STAG1: variants seen among roughly 807,000 people sequenced by gnomAD.
STAG1 encodes STAG1 cohesin complex component.
In STAG1, 26 loss-of-function variants were observed where a neutral mutation model predicts 170.9. The ratio of observed to expected loss-of-function variants is 0.15; its 90% CI spans 0.11 to 0.21. STAG1 has a LOEUF of 0.21. Ranked by LOEUF, STAG1 falls within the 10% of genes least tolerant of loss-of-function variation. STAG1 has a pLI of 1.00. For synonymous variants in STAG1, 514 were observed against 497.7 expected (o/e 1.03, Z -0.44); for missense variants, 964 against 1,509.5 (o/e 0.64, Z 5.99).
chr3:136,673,869 G>A (rs976010148), intron 1 of STAG1, among the ~76,000 whole-genome samples: 1 of 151,806 alleles, frequency 6.6e-6, no homozygotes, highest in East Asian at 1.9e-4. Context: ...TTGGGAGGCC[G>A]AGGCAGGTGG....
chr3:136,369,077 T>A lies in STAG1; in HGVS notation c.2545+31A>T, dbSNP rs752906359. ...ATCTTTTGGGGTTGGTAAAAAAAAA[T>A]CAATATTGACAAGATGATAGCTACA... On this transcript the variant is annotated intron_variant, in intron 24 of 33. Coordinates refer to ENST00000383202, the MANE Select transcript of STAG1 (RefSeq NM_005862.3). 45 of 1,435,334 alleles carry A rather than the reference T, an allele frequency of 3.1e-5. No individual in the cohort carries two copies. In the South Asian group the frequency reaches 6.9e-4, roughly 22 times the overall value. The allele number at this position is 1,435,334 out of a possible 1,614,324, so 88.9% of individuals were successfully genotyped here.
chr3:136,570,994 G>A (rs1365304672), intron 4 of STAG1, among the ~76,000 whole-genome samples: 1 of 152,198 alleles, frequency 6.6e-6, no homozygotes, highest in Non-Finnish European at 1.5e-5. Context: ...GTCAGGCTCT[G>A]CAAGCTCAGG....
In STAG1 at chr3:136,749,175, A is replaced by G. The variant is rs963583227; in HGVS notation, c.-84+3020T>C. ...GACAAAATATATGTTTGCATATGTA[A>G]TTAAGGCCCTTAATCAGTTAAGTTT... On this transcript the variant is annotated intron_variant, in intron 1 of 33. Coordinates refer to ENST00000383202, the MANE Select transcript of STAG1 (RefSeq NM_005862.3). Among the ~76,000 whole-genome samples, 44 of 152,324 alleles carry G rather than the reference A, an allele frequency of 2.9e-4. 1 individual carries two copies. Among genetic ancestry groups the G allele is most frequent in the African/African-American group, 1.0e-3 (43 of 41,574 alleles).
At chr3:136,643,543 CTG>C (rs1223539265) in intron 1 of STAG1, among the ~76,000 whole-genome samples, 2 of 152,172 alleles carry the variant, frequency 1.3e-5, no homozygotes, top group African/African-American at 4.8e-5. Context: ...GAGTCTGGCT[CTG>C]TTGTCCAGGC....
At chr3:136,397,886 T>C (rs2087211350) in intron 22 of STAG1, among the ~76,000 whole-genome samples, 1 of 152,236 alleles carries the variant, frequency 6.6e-6, no homozygotes. Flanking sequence ...TTAAGTTGTT[T>C]TTAACTTCAA....
rs2107798883 is a variant in STAG1 at position 136,464,806 on chromosome 3, C to A, written c.1313+75G>T. On this transcript the variant is annotated intron_variant, in intron 13 of 33. Transcript: ENST00000383202. ...AGCACTGTGTTCAGTCACTATTACT[C>A]TCTTCTACAAACTCTAAAACAACAA... 4 of 1,265,236 alleles carry A rather than the reference C, an allele frequency of 3.2e-6. No individual in the cohort carries two copies. In the South Asian group the frequency reaches 5.5e-5, roughly 17 times the overall value. The allele number at this position is 1,265,236 out of a possible 1,614,324, so 78.4% of individuals were successfully genotyped here.
intron 5 of STAG1, among the ~76,000 whole-genome samples, chr3:136,552,016 C>T (rs567048742): frequency 1.3e-5 from 2 of 152,224 alleles, no homozygotes; most frequent in South Asian, 2.1e-4. Flanking sequence ...CTGTTCTCTG[C>T]ATACCCAACA....
At chr3:136,522,433 T>A (rs958421310) in intron 6 of STAG1, among the ~76,000 whole-genome samples, 5 of 152,066 alleles carry the variant, frequency 3.3e-5, no homozygotes, top group African/African-American at 1.2e-4. Context: ...ATTGGAGAAG[T>A]TACATAGACT....
In STAG1 at chr3:136,396,114, C is replaced by G. The variant is rs2087140569; in HGVS notation, c.2277+2635G>C. 2.0e-5 allele frequency among the ~76,000 whole-genome samples: 3 copies of G among 151,890 alleles called. No homozygotes were observed. In the South Asian group the frequency reaches 6.2e-4, roughly 32 times the overall value. ...ACAGGGTTTCATCACGTTAGCCAGG[C>G]TGTTCTGGAATTCCTGACCTCAGGT... is the stretch of plus-strand genomic sequence containing the variant. On this transcript the variant is annotated intron_variant, in intron 22 of 33. Coordinates refer to ENST00000383202, the MANE Select transcript of STAG1 (RefSeq NM_005862.3).
chr3:136,425,051 G>A (rs1350186504), intron 16 of STAG1, among the ~76,000 whole-genome samples: 2 of 152,040 alleles, frequency 1.3e-5, no homozygotes, highest in African/African-American at 4.8e-5. Flanking sequence ...TGTTGGCCAG[G>A]ATGATCTCGA....
At chr3:136,686,762 T>C (rs1317330347) in intron 1 of STAG1, among the ~76,000 whole-genome samples, 1 of 152,230 alleles carries the variant, frequency 6.6e-6, no homozygotes, top group Non-Finnish European at 1.5e-5. Flanking sequence ...AATTGTGTTT[T>C]TACTTTTCCA....
chr3:136,411,419 C>A (rs550425756), intron 21 of STAG1, among the ~76,000 whole-genome samples: 1 of 151,990 alleles, frequency 6.6e-6, no homozygotes, highest in South Asian at 2.1e-4. Flanking sequence ...AACAAAGTCA[C>A]AAAACAGAAT....
At chr3:136,702,201 A>AT (rs1423663914) in intron 1 of STAG1, among the ~76,000 whole-genome samples, 1 of 151,878 alleles carries the variant, frequency 6.6e-6, no homozygotes, top group Non-Finnish European at 1.5e-5. Context: ...TGATCTCACT[A>AT]TGTTCAGCCC....
chr3:136,341,555 A>C lies in STAG1; in HGVS notation c.3447-4T>G, dbSNP rs1306197923. The stretch of plus-strand genomic sequence containing the variant: ...CCAAGAGATCTGCATCTGAGGACTA[A>C]GAGAGGGTACTATTATTAATTTTGT... On this transcript the variant is annotated splice_region_variant and splice_polypyrimidine_tract_variant and intron_variant, in intron 30 of 33. Coordinates refer to ENST00000383202, the MANE Select transcript of STAG1 (RefSeq NM_005862.3). 6.3e-7 allele frequency: 1 copy of C among 1,578,794 alleles called. No homozygotes were observed. Among genetic ancestry groups the C allele is most frequent in the Non-Finnish European group, 8.7e-7 (1 of 1,148,782 alleles).
chr3:136,389,438 G>A (rs571600877), intron 22 of STAG1, among the ~76,000 whole-genome samples: 3 of 152,012 alleles, frequency 2.0e-5, no homozygotes, highest in South Asian at 2.1e-4. Flanking sequence ...GACTACAGGC[G>A]CACACCACCA....
chr3:136,723,345 C>G (rs1184513716), intron 1 of STAG1, among the ~76,000 whole-genome samples: 1 of 151,338 alleles, frequency 6.6e-6, no homozygotes, highest in African/African-American at 2.4e-5. Context: ...TGCCCCGCCG[C>G]CCCGTCTGGG....
chr3:136,709,514 T>A (rs1300626522), intron 1 of STAG1, among the ~76,000 whole-genome samples: 2 of 151,448 alleles, frequency 1.3e-5, no homozygotes, highest in Non-Finnish European at 2.9e-5. Flanking sequence ...GCAGGAGGAC[T>A]GCTTGAGGTC....
At chr3:136,469,367 G>C (rs1011062856) in intron 12 of STAG1, among the ~76,000 whole-genome samples, 3 of 152,130 alleles carry the variant, frequency 2.0e-5, no homozygotes, top group Non-Finnish European at 4.4e-5. Flanking sequence ...CAAATCACGA[G>C]TGAACTCCCA....
chr3:136,461,167 A>C (rs2089262461), intron 13 of STAG1, among the ~76,000 whole-genome samples: 2 of 152,216 alleles, frequency 1.3e-5, no homozygotes, highest in Non-Finnish European at 2.9e-5. Context: ...AAACTAGCAA[A>C]GATGAAACAC....
Sources: gnomAD v4.1 joint callset for allele counts (sites outside exome capture counted in the v4.1 genomes callset) on GRCh38, gnomAD v4.1.1 for gene constraint, MANE v1.5 for transcripts, NCBI Gene and HGNC (gene_info 2026-07-23, HGNC 2026-07-21) for gene names.